Variants in PCDHA7 observed in about 807,000 individuals in gnomAD.
PCDHA7 encodes protocadherin alpha 7.
A neutral mutation model predicts 57.2 loss-of-function variants in PCDHA7; 37 were observed. The ratio of observed to expected loss-of-function variants is 0.65; its 90% CI spans 0.50 to 0.85. The LOEUF (loss-of-function observed/expected upper bound fraction) is 0.85, where lower values mean the gene tolerates loss of function less well. Ranked by LOEUF, PCDHA7 falls within the 40% of genes least tolerant of loss-of-function variation. The probability of loss-of-function intolerance (pLI) is 0.00; values close to 1 mark genes in which losing one functional copy is unlikely to be tolerated. For synonymous variants in PCDHA7, 553 were observed against 558.8 expected (o/e 0.99, Z 0.15); for missense variants, 1,188 against 1,241.8 (o/e 0.96, Z 0.65).
At chr5:140,842,527 G>T in intron 1 of PCDHA7, 1 of 1,613,310 alleles carries the variant, frequency 6.2e-7, no homozygotes, top group Non-Finnish European at 8.5e-7. Flanking sequence ...CCACCTTCAA[G>T]AATTACTACT....
In PCDHA7 at chr5:140,834,506, T is replaced by C. The variant is rs2150220079; in HGVS notation, c.123T>C (p.His41=). 63 of 1,614,028 alleles carry C rather than the reference T, an allele frequency of 3.9e-5. No individual in the cohort carries two copies. The highest frequency in any genetic ancestry group is 2.2e-4 in the Admixed American group (13 of 60,010). Reference sequence around the variant, plus strand: ...ACTCGGTCCCCGAGGAGGCTAAACATGGCAACTTCGTGGGCCGCATCGCGC... The same window carrying C: ...ACTCGGTCCCCGAGGAGGCTAAACACGGCAACTTCGTGGGCCGCATCGCGC... The part of the protein sequence containing the change: ...LHYSVPEEAK[H]GNFVGRIAQD... The change falls in exon 1 of 4, where the codon CAT becomes CAC. Residue 41 remains histidine (H), a synonymous_variant. Transcript: ENST00000525929.
At chr5:140,910,213 G>C (rs1375224674) in intron 1 of PCDHA7, among the ~76,000 whole-genome samples, 1 of 152,170 alleles carries the variant, frequency 6.6e-6, no homozygotes, top group African/African-American at 2.4e-5. Flanking sequence ...TGACCTGGAA[G>C]TTTTCTGCTT....
At chr5:140,857,404 T>G (rs150677637) in intron 1 of PCDHA7, 4 of 1,597,852 alleles carry the variant, frequency 2.5e-6, no homozygotes, top group African/African-American at 1.3e-5. Context: ...ACAACGCGCC[T>G]GCGTTCGCGC....
intron 3 of PCDHA7, among the ~76,000 whole-genome samples, chr5:140,987,811 C>CT (rs1444999429): frequency 6.6e-6 from 1 of 152,100 alleles, no homozygotes; most frequent in East Asian, 1.9e-4. Flanking sequence ...GTGCCTGTCT[C>CT]TTTGTTTCCT....
chr5:140,846,341 G>GCTTTCTCT lies in PCDHA7; in HGVS notation c.2355+9604_2355+9611dup, dbSNP rs1176165668. On this transcript the variant is annotated intron_variant, in intron 1 of 3. Coordinates refer to ENST00000525929, the MANE Select transcript of PCDHA7 (RefSeq NM_018910.3). ...AGTGTTGTAAATAGCCTTTTAAAGTGCTTTCTCTTTTTTCTTTTCTTTTCT... is the reference window on the plus strand; with the variant it reads ...AGTGTTGTAAATAGCCTTTTAAAGTGCTTTCTCTCTTTCTCTTTTTTCTTTTCTTTTCT... Among the ~76,000 whole-genome samples, 20 of 144,650 alleles carry GCTTTCTCT rather than the reference G, an allele frequency of 1.4e-4. 2 individuals carry two copies. Among genetic ancestry groups the GCTTTCTCT allele is most frequent in the Non-Finnish European group, 1.5e-5 (1 of 64,996 alleles). 94.9% of individuals were successfully genotyped at this position (144,650 alleles called of 152,430 possible). A position where few individuals can be genotyped will look rare whatever the true frequency, so the allele number is the denominator to read the frequency against.
chr5:140,884,734 C>A (rs1198575388), intron 1 of PCDHA7: 5 of 1,445,332 alleles, frequency 3.5e-6, no homozygotes, highest in Non-Finnish European at 4.6e-6. Flanking sequence ...TTTAAGACAT[C>A]TTTCCTGCCA....
intron 1 of PCDHA7, chr5:140,853,408 AG>A: frequency 1.0e-6 from 1 of 986,092 alleles, no homozygotes; most frequent in Middle Eastern, 5.3e-4. Flanking sequence ...CAAAACAGAG[AG>A]GTGAAAGCAG....
At chr5:140,953,620 T>G (rs1207803220) in intron 1 of PCDHA7, among the ~76,000 whole-genome samples, 1 of 152,146 alleles carries the variant, frequency 6.6e-6, no homozygotes, top group Non-Finnish European at 1.5e-5. Context: ...CTTAGATATT[T>G]GCTTTATGTA....
intron 1 of PCDHA7, among the ~76,000 whole-genome samples, chr5:140,855,276 C>T (rs991955993): frequency 1.3e-5 from 2 of 149,614 alleles, no homozygotes; most frequent in Non-Finnish European, 3.0e-5. Flanking sequence ...CACTCAACCA[C>T]CGTATTACTA....
chr5:140,841,547 G>T, intron 1 of PCDHA7: 1 of 1,613,802 alleles, frequency 6.2e-7, no homozygotes, highest in Non-Finnish European at 8.5e-7. Context: ...GGACCTTCTG[G>T]AGGTAAGTCT....
intron 1 of PCDHA7, among the ~76,000 whole-genome samples, chr5:140,894,986 A>G (rs1380930076): frequency 6.6e-6 from 1 of 152,194 alleles, no homozygotes; most frequent in Non-Finnish European, 1.5e-5. Flanking sequence ...ACTTTGTGAC[A>G]TCCTTTACCC....
intron 1 of PCDHA7, among the ~76,000 whole-genome samples, chr5:140,966,046 G>A (rs1329363755): frequency 6.6e-6 from 1 of 152,212 alleles, no homozygotes. Context: ...CCCATCGCCA[G>A]TAACCCCAGA....
intron 1 of PCDHA7, among the ~76,000 whole-genome samples, chr5:140,901,870 TTTC>T (rs2068953949): frequency 6.6e-6 from 1 of 152,202 alleles, no homozygotes. Flanking sequence ...TCCTCTTCAA[TTTC>T]TTTCATCAGC....
At chr5:140,971,918 G>A (rs1297848346) in intron 1 of PCDHA7, among the ~76,000 whole-genome samples, 1 of 152,082 alleles carries the variant, frequency 6.6e-6, no homozygotes, top group Non-Finnish European at 1.5e-5. Context: ...CAGCCACACT[G>A]CTAGTGTTAT....
At position 140,993,501 on chromosome 5, in the gene PCDHA7, C is replaced by CACACAT. The variant is rs1554253793; in HGVS notation, c.2503+10943_2503+10944insTACACA. Reference sequence around the variant, plus strand: ...ACACACACACACACACACACACACACACACACACGGGGAGAGAGAGACAGA... The same window carrying CACACAT: ...ACACACACACACACACACACACACACACACATACACACACGGGGAGAGAGAGACAGA... On this transcript the variant is annotated intron_variant, in intron 3 of 3. Coordinates refer to ENST00000525929, the MANE Select transcript of PCDHA7 (RefSeq NM_018910.3). Among the ~76,000 whole-genome samples the CACACAT allele has an allele frequency of 3.4e-5, 5 of 148,992 alleles. No homozygotes were observed. The East Asian group carries it at 7.8e-4, about 23-fold the overall frequency.
At chr5:140,880,123 C>T (rs1315267493) in intron 1 of PCDHA7, among the ~76,000 whole-genome samples, 3 of 152,118 alleles carry the variant, frequency 2.0e-5, no homozygotes, top group African/African-American at 7.2e-5. Flanking sequence ...CAACAGGAAG[C>T]TGAAATAAAG....
In PCDHA7 at chr5:140,856,910, A is replaced by G. The variant is rs782378927; in HGVS notation, c.2355+20172A>G. On this transcript the variant is annotated intron_variant, in intron 1 of 3. Coordinates refer to ENST00000525929, the MANE Select transcript of PCDHA7 (RefSeq NM_018910.3). ...ATTTAGCTCTTTGGTCCCACCCACG[A>G]TAAGAAGGAAATTTTGGATAAACGA... 4.4e-6 allele frequency: 7 copies of G among 1,596,308 alleles called. No individual in the cohort carries two copies. In the South Asian group the frequency reaches 4.4e-5, roughly 10 times the overall value.
intron 1 of PCDHA7, chr5:140,882,198 G>C (rs964999330): frequency 2.0e-6 from 3 of 1,525,466 alleles, no homozygotes; most frequent in African/African-American, 2.8e-5. Context: ...ATAAAAATTG[G>C]GCCTTGAGAG....
rs1774544367 is a variant in PCDHA7 at position 140,836,534 on chromosome 5, G to T, written c.2151G>T (p.Leu717=). The stretch of plus-strand genomic sequence containing the variant: ...GTCTGTTGGTGCTTACCCTGCTGCT[G>T]TACACGGCGTTGCGGTGCTCAGCGC... ...VSSLLVLTLL[L]YTALRCSAPS... Residue 717 remains leucine (L), a synonymous_variant, in exon 1 of 4, where the codon CTG becomes CTT. Coordinates refer to ENST00000525929, the MANE Select transcript of PCDHA7 (RefSeq NM_018910.3). 6.2e-7 allele frequency: 1 copy of T among 1,613,844 alleles called. No homozygotes were observed. Among genetic ancestry groups the T allele is most frequent in the Non-Finnish European group, 8.5e-7 (1 of 1,179,852 alleles).
Sources: gnomAD v4.1 joint callset for allele counts (sites outside exome capture counted in the v4.1 genomes callset) on GRCh38, gnomAD v4.1.1 for gene constraint, MANE v1.5 for transcripts, NCBI Gene and HGNC (gene_info 2026-07-23, HGNC 2026-07-21) for gene names.